The following PLA2R1 variants were observed in gnomAD, a reference collection of about 807,000 sequenced individuals.
The protein encoded by PLA2R1 is phospholipase A2 receptor 1, also known as secretory phospholipase A2 receptor.
Under a neutral mutation model 195.9 loss-of-function variants are expected in PLA2R1, and 158 were observed. That is an observed-to-expected ratio of 0.81 (90% CI 0.71 to 0.92). PLA2R1 has a LOEUF of 0.92. Ranked by LOEUF, PLA2R1 falls within the 40% of genes least tolerant of loss-of-function variation. The probability of loss-of-function intolerance (pLI) is 0.00; values close to 1 mark genes in which losing one functional copy is unlikely to be tolerated. For synonymous variants in PLA2R1, 586 were observed against 598.2 expected (o/e 0.98, Z 0.30); for missense variants, 1,626 against 1,764.6 (o/e 0.92, Z 1.41).
At chr2:160,031,862 G>T (rs531637447) in intron 4 of PLA2R1, among the ~76,000 whole-genome samples, 3 of 152,208 alleles carry the variant, frequency 2.0e-5, no homozygotes, top group Non-Finnish European at 4.4e-5. Context: ...CACCTCCCAG[G>T]TTCAAGTGAT....
At chr2:160,035,127 C>T (rs1694093659) in intron 3 of PLA2R1, among the ~76,000 whole-genome samples, 1 of 152,144 alleles carries the variant, frequency 6.6e-6, no homozygotes, top group Non-Finnish European at 1.5e-5. Flanking sequence ...AATCAGAAAT[C>T]TAAAACACTT....
intron 1 of PLA2R1, 120 bp from the exon 2 acceptor site, chr2:160,045,277 T>C: frequency 2.7e-6 from 2 of 749,348 alleles, no homozygotes; most frequent in Non-Finnish European, 4.3e-6. Context: ...TTCCCACAGA[T>C]CTGGAGTTGT....
chr2:160,011,964 G>C (rs368830627), intron 10 of PLA2R1, among the ~76,000 whole-genome samples: 2 of 146,782 alleles, frequency 1.4e-5, no homozygotes, highest in Non-Finnish European at 3.0e-5. Context: ...GTGTGCGTGT[G>C]TCTGTTTGTG....
chr2:159,986,771 G>A (rs1690373080), intron 12 of PLA2R1, among the ~76,000 whole-genome samples: 1 of 152,014 alleles, frequency 6.6e-6, no homozygotes, highest in Non-Finnish European at 1.5e-5. Flanking sequence ...ATTTTTAGTA[G>A]AGATGGGATT....
At chr2:159,929,565 G>C (rs1686543621), downstream of PLA2R1, among the ~76,000 whole-genome samples, 1 of 152,170 alleles carries the variant, frequency 6.6e-6, no homozygotes, top group African/African-American at 2.4e-5. Flanking sequence ...ATGTAAACTA[G>C]TACAACCACT....
At chr2:160,014,673 T>C (rs1481832199) in intron 9 of PLA2R1, among the ~76,000 whole-genome samples, 2 of 152,206 alleles carry the variant, frequency 1.3e-5, no homozygotes, top group Non-Finnish European at 2.9e-5. Flanking sequence ...TTGCAGTAAA[T>C]TAAAGAAAAC....
At chr2:160,026,953 G>A (rs1487789177) in intron 6 of PLA2R1, among the ~76,000 whole-genome samples, 1 of 152,138 alleles carries the variant, frequency 6.6e-6, no homozygotes, top group Non-Finnish European at 1.5e-5. Flanking sequence ...GGCCAACATG[G>A]TGAAACCCCG....
At chr2:160,062,221 T>C in intron 1 of PLA2R1, 74 bp downstream of exon 1, 8 of 1,197,126 alleles carry the variant, frequency 6.7e-6, no homozygotes, top group South Asian at 1.7e-5. Flanking sequence ...GCTTCGCCCC[T>C]TCTTCCTCTC....
At chr2:159,985,132 T>A (rs1690235742) in intron 12 of PLA2R1, among the ~76,000 whole-genome samples, 1 of 152,162 alleles carries the variant, frequency 6.6e-6, no homozygotes. Context: ...TCCAACTCTG[T>A]CAATAAATAA....
chr2:159,957,270 A>G (rs1688151711), intron 20 of PLA2R1, among the ~76,000 whole-genome samples: 1 of 152,202 alleles, frequency 6.6e-6, no homozygotes, highest in Admixed American at 6.5e-5. Flanking sequence ...GGGAACACAG[A>G]AAAGGTTGTG....
intron 1 of PLA2R1, among the ~76,000 whole-genome samples, 192 bp downstream of exon 1, chr2:160,062,103 G>A (rs1416292505): frequency 6.6e-6 from 1 of 151,758 alleles, no homozygotes; most frequent in Non-Finnish European, 1.5e-5. Context: ...TGGGGTGCTG[G>A]GCCTAGACAA....
chr2:160,049,567 T>C (rs1695093268), intron 1 of PLA2R1, among the ~76,000 whole-genome samples: 1 of 152,176 alleles, frequency 6.6e-6, no homozygotes, highest in Admixed American at 6.5e-5. Context: ...TATAATTGCA[T>C]TTAAAATAAG....
chr2:160,061,784 A>G (rs1364274315), intron 1 of PLA2R1, among the ~76,000 whole-genome samples: 1 of 152,100 alleles, frequency 6.6e-6, no homozygotes, highest in Non-Finnish European at 1.5e-5. Flanking sequence ...CAAAAAACAA[A>G]CAAACAAAAA....
At chr2:159,998,230 C>CA (rs756186003) in intron 11 of PLA2R1, among the ~76,000 whole-genome samples, 1 of 152,206 alleles carries the variant, frequency 6.6e-6, no homozygotes, top group Non-Finnish European at 1.5e-5. Context: ...TAAAATCCTG[C>CA]AAATTATTTC....
chr2:159,980,273 G>A (rs780878355), intron 13 of PLA2R1, among the ~76,000 whole-genome samples: 1 of 152,094 alleles, frequency 6.6e-6, no homozygotes, highest in Admixed American at 6.6e-5. Flanking sequence ...GTAAAAGTCA[G>A]CTTTTATTGA....
intron 1 of PLA2R1, among the ~76,000 whole-genome samples, chr2:160,051,126 A>G (rs1178566384): frequency 6.6e-6 from 1 of 152,254 alleles, no homozygotes; most frequent in East Asian, 1.9e-4. Context: ...TTAGGCAAAC[A>G]AAGGACTTTC....
chr2:160,017,573 C>G (rs112877605), intron 8 of PLA2R1, among the ~76,000 whole-genome samples: 1 of 152,152 alleles, frequency 6.6e-6, no homozygotes, highest in Non-Finnish European at 1.5e-5. Flanking sequence ...ATCAGGAATT[C>G]GAACAGCACC....
At chr2:160,035,876 C>A (rs1485620161) in intron 3 of PLA2R1, among the ~76,000 whole-genome samples, 4 of 152,174 alleles carry the variant, frequency 2.6e-5, no homozygotes, top group African/African-American at 9.7e-5. Context: ...TTGCCAAATT[C>A]AGCAACTGTT....
At position 159,955,251 on chromosome 2, in the gene PLA2R1, A is replaced by G. The variant is rs1303226120; in HGVS notation, c.3249T>C (p.Tyr1083=). ...NPNFHFTGKW[Y]FEDCGKEGYG... is the part of the protein sequence containing the mutation. ...AGCCTTCCTTTCCACAGTCTTCAAAATACCATTTTCCAGTGAAATGAAAAT... is the reference window on the plus strand; with the variant it reads ...AGCCTTCCTTTCCACAGTCTTCAAAGTACCATTTTCCAGTGAAATGAAAAT... The change falls in exon 23 of 30, where the codon TAT becomes TAC. Residue 1083 remains tyrosine (Y), a synonymous_variant. Coordinates refer to ENST00000283243, the MANE Select transcript of PLA2R1 (RefSeq NM_007366.5). 3 of 1,611,860 alleles carry G rather than the reference A, an allele frequency of 1.9e-6. No homozygotes were observed. Among genetic ancestry groups the G allele is most frequent in the Non-Finnish European group, 2.5e-6 (3 of 1,178,320 alleles).
Sources: allele counts gnomAD v4.1 joint callset (sites outside exome capture counted in the v4.1 genomes callset), GRCh38; gene constraint gnomAD v4.1.1; transcripts MANE v1.5; gene names NCBI Gene and HGNC (gene_info 2026-07-23, HGNC 2026-07-21).